Variants in NELL1 observed in about 807,000 individuals in gnomAD.
NELL1 encodes neural EGFL like 1, also known as protein kinase C-binding protein NELL1.
A neutral mutation model predicts 107.4 loss-of-function variants in NELL1; 76 were observed. The ratio of observed to expected loss-of-function variants is 0.71; its 90% CI spans 0.59 to 0.86. The LOEUF is 0.86. NELL1 is among the 40% of genes least tolerant of loss of function. The pLI is 0.00. For synonymous variants in NELL1, 353 were observed against 341.2 expected, an observed-to-expected ratio of 1.03 and a Z score of -0.38; for missense variants, 1,024 against 1,005.5, an observed-to-expected ratio of 1.02 and a Z score of -0.25.
At chr11:21,218,200 C>T (rs1012171871) in intron 13 of NELL1, among the ~76,000 whole-genome samples, 1 of 151,990 alleles carries the variant, frequency 6.6e-6, no homozygotes, top group African/African-American at 2.4e-5. Context: ...TTCCTGGGGA[C>T]TATAATTGAT....
At chr11:20,806,055 G>GTT (rs200685925) in intron 3 of NELL1, among the ~76,000 whole-genome samples, 2 of 149,326 alleles carry the variant, frequency 1.3e-5, no homozygotes, top group South Asian at 2.1e-4. Context: ...AATATCCTGT[G>GTT]TTTTTTTGTG....
rs149075807 is a variant in NELL1 at position 20,702,994 on chromosome 11, G to A, written c.184+24934G>A. On this transcript the variant is annotated intron_variant, in intron 2 of 19. Coordinates refer to ENST00000357134, the MANE Select transcript of NELL1 (RefSeq NM_006157.5). ...TCTTTTTTTGTTGTGTCTCTGCCAG[G>A]CTTTGGATGATGCTGGCCTTATAAA... Among the ~76,000 whole-genome samples the A allele has an allele frequency of 6.6e-3, 997 of 151,934 alleles. 6 individuals carry two copies. Among genetic ancestry groups the A allele is most frequent in the African/African-American group, 0.023 (951 of 41,494 alleles).
intron 2 of NELL1, among the ~76,000 whole-genome samples, chr11:20,760,827 T>C (rs1856403237): frequency 1.3e-5 from 2 of 152,238 alleles, no homozygotes. Context: ...CTAATCCCAT[T>C]TGACTGTGTC....
intron 15 of NELL1, among the ~76,000 whole-genome samples, chr11:21,445,835 G>A (rs1192676360): frequency 6.6e-6 from 1 of 152,108 alleles, no homozygotes; most frequent in Non-Finnish European, 1.5e-5. Context: ...TAAGATAAAA[G>A]TGTCTTGTTG....
chr11:21,072,608 G>A (rs116326887), intron 12 of NELL1, among the ~76,000 whole-genome samples: 275 of 152,228 alleles, frequency 1.8e-3, no homozygotes, highest in African/African-American at 6.2e-3. Flanking sequence ...ACTAAAGATA[G>A]GTGGTTAAGT....
intron 12 of NELL1, among the ~76,000 whole-genome samples, chr11:20,990,775 T>G (rs963213148): frequency 6.6e-6 from 1 of 152,214 alleles, no homozygotes; most frequent in Non-Finnish European, 1.5e-5. Context: ...AGATGGTGTC[T>G]GGCACCTAAT....
intron 2 of NELL1, among the ~76,000 whole-genome samples, chr11:20,744,431 T>C (rs1040012153): frequency 6.6e-6 from 1 of 151,118 alleles, no homozygotes; most frequent in African/African-American, 2.5e-5. Flanking sequence ...CACACTACTC[T>C]AAAACTCAGG....
intron 14 of NELL1, among the ~76,000 whole-genome samples, chr11:21,309,278 A>ATGTG (rs1158935521): frequency 4.3e-4 from 7 of 16,244 alleles, no homozygotes; most frequent in African/African-American, 1.4e-3. Flanking sequence ...ATATATATAT[A>ATGTG]TGTATATATA....
At chr11:20,810,167 C>T (rs1224537855) in intron 3 of NELL1, among the ~76,000 whole-genome samples, 3 of 151,768 alleles carry the variant, frequency 2.0e-5, no homozygotes, top group African/African-American at 7.3e-5. Flanking sequence ...AATGTCTACT[C>T]AGGTCTTTTG....
At position 21,393,085 on chromosome 11, in the gene NELL1, AAATACGACC is replaced by A. The variant is rs1388263461; in HGVS notation, c.1645+22141_1645+22149del. 4.6e-5 allele frequency among the ~76,000 whole-genome samples: 7 copies of A among 151,826 alleles called. No homozygotes were observed. The South Asian group carries it at 1.2e-3, about 27-fold the overall frequency. ...TTGGACGTGAGCTTTCAATGGTTTA[AAATACGACC>A]AATGGAATGTAAATAAGGGGAAATG... On this transcript the variant is annotated intron_variant, in intron 15 of 19. Coordinates refer to ENST00000357134, the MANE Select transcript of NELL1 (RefSeq NM_006157.5).
At chr11:21,566,098 A>G (rs1371894392) in intron 17 of NELL1, among the ~76,000 whole-genome samples, 1 of 151,964 alleles carries the variant, frequency 6.6e-6, no homozygotes, top group African/African-American at 2.4e-5. Context: ...AGTGTGAAAA[A>G]GACCCACAGA....
At chr11:20,746,029 G>A (rs1308380619) in intron 2 of NELL1, among the ~76,000 whole-genome samples, 2 of 152,262 alleles carry the variant, frequency 1.3e-5, no homozygotes, top group African/African-American at 4.8e-5. Context: ...GAAGATAGGT[G>A]AGCAAGGAGA....
chr11:21,090,011 T>G (rs1209711610), intron 12 of NELL1, among the ~76,000 whole-genome samples: 1 of 152,164 alleles, frequency 6.6e-6, no homozygotes. Context: ...CTAGCTATAG[T>G]GGAGGAGAGA....
At chr11:21,284,593 T>C (rs539463730) in intron 14 of NELL1, 49 of 445,954 alleles carry the variant, frequency 1.1e-4, no homozygotes, top group Non-Finnish European at 2.1e-4. Context: ...CAGTTTGATG[T>C]CATGGTAATG....
At chr11:21,492,077 G>A (rs1452901473) in intron 15 of NELL1, among the ~76,000 whole-genome samples, 3 of 152,092 alleles carry the variant, frequency 2.0e-5, no homozygotes, top group Non-Finnish European at 4.4e-5. Context: ...ATCAAAAAGT[G>A]GGTGAAGGAA....
chr11:21,341,696 C>T (rs1850569093), intron 14 of NELL1, among the ~76,000 whole-genome samples: 1 of 152,186 alleles, frequency 6.6e-6, no homozygotes, highest in Non-Finnish European at 1.5e-5. Flanking sequence ...TCACACATCA[C>T]ACTATGCTAA....
chr11:21,344,294 A>G (rs943305672), intron 14 of NELL1, among the ~76,000 whole-genome samples: 9 of 152,222 alleles, frequency 5.9e-5, no homozygotes, highest in Non-Finnish European at 1.2e-4. Flanking sequence ...TTCAGCAGCC[A>G]TAACATGCTG....
At chr11:21,548,103 G>A (rs530324825) in intron 16 of NELL1, among the ~76,000 whole-genome samples, 1 of 151,964 alleles carries the variant, frequency 6.6e-6, no homozygotes, top group South Asian at 2.1e-4. Flanking sequence ...AGAGACCATG[G>A]CAGAGCAAAC....
At chr11:21,105,719 C>T (rs1854937744) in intron 12 of NELL1, among the ~76,000 whole-genome samples, 1 of 151,814 alleles carries the variant, frequency 6.6e-6, no homozygotes, top group African/African-American at 2.4e-5. Flanking sequence ...CAAGGACTTC[C>T]TTACCCTCAC....
Sources: gnomAD v4.1 joint callset for allele counts (sites outside exome capture counted in the v4.1 genomes callset) on GRCh38, gnomAD v4.1.1 for gene constraint, MANE v1.5 for transcripts, NCBI Gene and HGNC (gene_info 2026-07-23, HGNC 2026-07-21) for gene names.